The following PNLIPRP1 variants were observed in gnomAD, a reference collection of about 807,000 sequenced individuals.
The protein encoded by PNLIPRP1 is inactive pancreatic lipase-related protein 1.
A neutral mutation model predicts 54.6 loss-of-function variants in PNLIPRP1; 57 were observed. That is an observed-to-expected ratio of 1.04 (90% CI 0.84 to 1.30). The LOEUF (loss-of-function observed/expected upper bound fraction) is 1.30, where lower values mean the gene tolerates loss of function less well. Among genes scored for constraint, PNLIPRP1 ranks in the 50% most tolerant of loss-of-function variants. The pLI, the probability that PNLIPRP1 is intolerant of heterozygous loss-of-function variation, is 0.00. For synonymous variants in PNLIPRP1, 232 were observed against 208.8 expected, an observed-to-expected ratio of 1.11 and a Z score of -0.96; for missense variants, 567 against 568.5, an observed-to-expected ratio of 1.00 and a Z score of 0.03.
chr10:116,609,087 G>A lies in PNLIPRP1; in HGVS notation c.1375G>A (p.Asp459Asn). 1 of 1,613,644 alleles carries A rather than the reference G, an allele frequency of 6.2e-7. No homozygotes were observed. Among genetic ancestry groups the A allele is most frequent in the Non-Finnish European group, 8.5e-7 (1 of 1,179,692 alleles). The change falls in exon 13 of 13, where the codon GAC becomes AAC. Residue 459 changes from aspartate to asparagine, a missense_variant. Asp to Asn is a conservative substitution (Grantham distance 23). Coordinates refer to ENST00000358834, the MANE Select transcript of PNLIPRP1 (RefSeq NM_006229.4). ...CTGTAGCGAAGACACAGTGCGGGAA[G>A]ACACGCTGCTCACCCTCACGCCCTG... is the stretch of plus-strand genomic sequence containing the variant. ...NFCSEDTVRE[D>N]TLLTLTPC
chr10:116,594,411 T>C (rs1036568801), intron 4 of PNLIPRP1: 14 of 502,654 alleles, frequency 2.8e-5, no homozygotes, highest in African/African-American at 2.7e-4. Flanking sequence ...ACCTAAGACT[T>C]TTCCTTTTCA....
At position 116,591,013 on chromosome 10, in the gene PNLIPRP1, C is replaced by T; in HGVS notation, c.-1+18C>T. 1 of 737,084 alleles carries T rather than the reference C, an allele frequency of 1.4e-6. No homozygotes were observed. The highest frequency in any genetic ancestry group is 2.1e-5 in the Admixed American group (1 of 46,808). 45.7% of individuals were successfully genotyped at this position (737,084 alleles called of 1,614,324 possible). A position where few individuals can be genotyped will look rare whatever the true frequency, so the allele number is the denominator to read the frequency against. ...TAGACAGGGTAAGCCACCTTTGCAA[C>T]TCCTTTCCCCCTGCTGTGACGTACA... On this transcript the variant is annotated intron_variant, in intron 1 of 12. Transcript: ENST00000358834.
At chr10:116,592,690 C>G (rs1847662942) in intron 4 of PNLIPRP1, 149 bp downstream of exon 4, 1 of 968,522 alleles carries the variant, frequency 1.0e-6, no homozygotes, top group Admixed American at 2.0e-5. Flanking sequence ...AAATGCCTTT[C>G]CATGTTTCCG....
rs1847649291 is a variant in PNLIPRP1, at chr10:116,592,055, A to C, written c.204+130A>C. On this transcript the variant is annotated intron_variant, in intron 3 of 12. Coordinates refer to ENST00000358834, the MANE Select transcript of PNLIPRP1 (RefSeq NM_006229.4). ...CACCCCATCCCTCAAGCTGCCCCCC[A>C]GACCTAGCTAGACCTAGACAGAGCA... is the stretch of plus-strand genomic sequence containing the variant. The C allele has an allele frequency of 8.1e-6, 7 of 861,430 alleles. No individual in the cohort carries two copies. The Admixed American group carries it at 1.6e-4, about 20-fold the overall frequency. The allele number at this position is 861,430 out of a possible 1,614,324, so 53.4% of individuals were successfully genotyped here. A position where few individuals can be genotyped will look rare whatever the true frequency, so the allele number is the denominator to read the frequency against.
At position 116,594,613 on chromosome 10, in the gene PNLIPRP1, T is replaced by G; in HGVS notation, c.331-117T>G. The G allele has an allele frequency of 3.6e-6, 4 of 1,099,246 alleles. No homozygotes were observed. The Admixed American group carries it at 7.5e-5, about 20-fold the overall frequency. 68.1% of individuals were successfully genotyped at this position (1,099,246 alleles called of 1,614,324 possible). On this transcript the variant is annotated intron_variant, in intron 4 of 12. Coordinates refer to ENST00000358834, the MANE Select transcript of PNLIPRP1 (RefSeq NM_006229.4). Reference sequence around the variant, plus strand: ...ACCAACAGGATTCCCTAACAGAGTCTAGTTTATCTCATGCCCTAGCTAGGA... The same window carrying G: ...ACCAACAGGATTCCCTAACAGAGTCGAGTTTATCTCATGCCCTAGCTAGGA...
chr10:116,603,322 G>A (rs993871523), intron 10 of PNLIPRP1, among the ~76,000 whole-genome samples: 8 of 152,160 alleles, frequency 5.3e-5, no homozygotes, highest in Admixed American at 2.0e-4. Context: ...TTACCTTACT[G>A]TACTGCCATT....
At chr10:116,605,050 G>C (rs1255842587) in intron 11 of PNLIPRP1, among the ~76,000 whole-genome samples, 1 of 151,980 alleles carries the variant, frequency 6.6e-6, no homozygotes, top group Admixed American at 6.6e-5. Context: ...CAGATATGCT[G>C]TTTTCTGATT....
In PNLIPRP1 at chr10:116,605,535, A is replaced by C. The variant is rs782685918; in HGVS notation, c.1322A>C (p.Lys441Thr). 2 of 1,602,552 alleles carry C rather than the reference A, an allele frequency of 1.2e-6. No individual in the cohort carries two copies. Among genetic ancestry groups the C allele is most frequent in the South Asian group, 1.1e-5 (1 of 89,236 alleles). ...GGTGCCACCAAGATCACTGTGCAAAAGGGAGAAGAGAAGACAGTGTATGTA... is the reference window on the plus strand; with the variant it reads ...GGTGCCACCAAGATCACTGTGCAAACGGGAGAAGAGAAGACAGTGTATGTA... Reference protein sequence around the residue: ...KVGATKITVQKGEEKTVYNFC... With the variant: ...KVGATKITVQTGEEKTVYNFC... Residue 441 changes from lysine to threonine, a missense_variant, in exon 12 of 13, where the codon AAG becomes ACG. Physicochemically the swap from Lys to Thr is moderately conservative, Grantham distance 78 (BLOSUM62 -1). Transcript: ENST00000358834.
chr10:116,606,428 A>G (rs1004693450), intron 12 of PNLIPRP1, among the ~76,000 whole-genome samples: 3 of 152,160 alleles, frequency 2.0e-5, no homozygotes, highest in Non-Finnish European at 4.4e-5. Flanking sequence ...AAGCTAGAGC[A>G]TAGTACAGAG....
At chr10:116,598,462 T>C (rs1198325513) in intron 8 of PNLIPRP1, among the ~76,000 whole-genome samples, 1 of 152,214 alleles carries the variant, frequency 6.6e-6, no homozygotes, top group Non-Finnish European at 1.5e-5. Flanking sequence ...AGTTACCTAA[T>C]ACAGAAAGGA....
At chr10:116,597,051 C>G (rs1188407900) in intron 6 of PNLIPRP1, among the ~76,000 whole-genome samples, 1 of 152,116 alleles carries the variant, frequency 6.6e-6, no homozygotes, top group African/African-American at 2.4e-5. Context: ...AGATCCAGAC[C>G]TGGTTTTGCC....
intron 6 of PNLIPRP1, 39 bp from the exon 7 acceptor site, chr10:116,597,789 T>C: frequency 6.2e-7 from 1 of 1,613,220 alleles, no homozygotes; most frequent in South Asian, 1.1e-5. Flanking sequence ...ACATCTACAG[T>C]CAGGTCTATT....
chr10:116,592,350 T>C, intron 3 of PNLIPRP1, 66 bp from the exon 4 acceptor site: 7 of 1,518,626 alleles, frequency 4.6e-6, no homozygotes, highest in Non-Finnish European at 6.2e-6. Flanking sequence ...CAGGCGGAGA[T>C]GAGGAAGGAA....
chr10:116,591,011 A>C lies in PNLIPRP1; in HGVS notation c.-1+16A>C. 1.4e-6 allele frequency: 1 copy of C among 724,194 alleles called. No homozygotes were observed. Among genetic ancestry groups the C allele is most frequent in the Non-Finnish European group, 2.4e-6 (1 of 416,726 alleles). The allele number at this position is 724,194 out of a possible 1,614,324, so 44.9% of individuals were successfully genotyped here. A position where few individuals can be genotyped will look rare whatever the true frequency, so the allele number is the denominator to read the frequency against. On this transcript the variant is annotated intron_variant, in intron 1 of 12. Transcript: ENST00000358834. ...ATTAGACAGGGTAAGCCACCTTTGC[A>C]ACTCCTTTCCCCCTGCTGTGACGTA...
chr10:116,603,380 C>T (rs1328175575), intron 10 of PNLIPRP1, among the ~76,000 whole-genome samples: 2 of 152,236 alleles, frequency 1.3e-5, no homozygotes, highest in African/African-American at 2.4e-5. Flanking sequence ...GGGGCATATT[C>T]TGTGTAGCCA....
intron 6 of PNLIPRP1, among the ~76,000 whole-genome samples, chr10:116,597,031 G>T (rs1554864067): frequency 6.6e-6 from 1 of 152,136 alleles, no homozygotes; most frequent in African/African-American, 2.4e-5. Flanking sequence ...ACTCATCAGT[G>T]GGAGAACTGA....
At position 116,594,537 on chromosome 10, in the gene PNLIPRP1, G is replaced by A. The variant is rs1021385287; in HGVS notation, c.331-193G>A. The A allele has an allele frequency of 1.3e-5, 8 of 638,554 alleles. No individual in the cohort carries two copies. In the Admixed American group the frequency reaches 2.2e-4, roughly 17 times the overall value. The allele number at this position is 638,554 out of a possible 1,614,324, so 39.6% of individuals were successfully genotyped here. ...CCAATTAATCTGCAAGCTGGAGGGG[G>A]AATCAGTTTGCCTTTCTCATAGCAT... is the stretch of plus-strand genomic sequence containing the variant. On this transcript the variant is annotated intron_variant, in intron 4 of 12. Transcript: ENST00000358834.
intron 10 of PNLIPRP1, among the ~76,000 whole-genome samples, chr10:116,603,079 G>A (rs1847877208): frequency 6.6e-6 from 1 of 152,214 alleles, no homozygotes; most frequent in African/African-American, 2.4e-5. Flanking sequence ...ACATGCATAT[G>A]TTTGTGTATA....
intron 10 of PNLIPRP1, among the ~76,000 whole-genome samples, 193 bp from the exon 11 acceptor site, chr10:116,603,837 G>A (rs1847890679): frequency 6.6e-6 from 1 of 152,156 alleles, no homozygotes; most frequent in Non-Finnish European, 1.5e-5. Context: ...AGGTGGCAGT[G>A]AGCCAAGATT....
Sources: allele counts gnomAD v4.1 joint callset (sites outside exome capture counted in the v4.1 genomes callset), GRCh38; gene constraint gnomAD v4.1.1; transcripts MANE v1.5; gene names NCBI Gene and HGNC (gene_info 2026-07-23, HGNC 2026-07-21).